The following TANC2 variants were observed in gnomAD, a reference collection of about 807,000 sequenced individuals.
The protein encoded by TANC2 is tetratricopeptide repeat, ankyrin repeat and coiled-coil containing 2.
TANC2 carries 26 observed loss-of-function variants against 210.5 expected under a neutral mutation model. That is an observed-to-expected ratio of 0.12 (90% CI 0.09 to 0.17). TANC2 has a LOEUF of 0.17. Among genes scored for constraint, TANC2 ranks in the 10% least tolerant of loss-of-function variants. The probability of loss-of-function intolerance (pLI) is 1.00; values close to 1 mark genes in which losing one functional copy is unlikely to be tolerated. For missense variants in TANC2, 2,129 were observed against 2,608.9 expected, an observed-to-expected ratio of 0.82 and a Z score of 4.01; for synonymous variants, 931 against 967.1, an observed-to-expected ratio of 0.96 and a Z score of 0.69.
intron 12 of TANC2, among the ~76,000 whole-genome samples, chr17:63,347,799 G>A (rs1355075228): frequency 2.0e-5 from 3 of 152,148 alleles, no homozygotes; most frequent in Admixed American, 2.0e-4. Flanking sequence ...TGTTGGGACA[G>A]GGTCTCACTT....
intron 3 of TANC2, among the ~76,000 whole-genome samples, chr17:63,076,693 C>T (rs2144679098): frequency 6.6e-6 from 1 of 152,028 alleles, no homozygotes; most frequent in African/African-American, 2.4e-5. Context: ...CTATTATCCC[C>T]AGAAATAAGA....
At chr17:62,975,943 A>G (rs915075204) in intron 1 of TANC2, among the ~76,000 whole-genome samples, 12 of 151,902 alleles carry the variant, frequency 7.9e-5, no homozygotes, top group Non-Finnish European at 1.8e-4. Context: ...TGGCATTGTC[A>G]CTCCAGCTTT....
At chr17:63,159,782 A>G (rs2039962381) in intron 5 of TANC2, among the ~76,000 whole-genome samples, 1 of 152,162 alleles carries the variant, frequency 6.6e-6, no homozygotes. Flanking sequence ...AGATTTTGGT[A>G]TGGGATTGGG....
chr17:62,979,827 C>T, intron 1 of TANC2, among the ~76,000 whole-genome samples: 1 of 152,202 alleles, frequency 6.6e-6, no homozygotes, highest in African/African-American at 2.4e-5. Context: ...AGGAGGATAG[C>T]TTGAGCCTGG....
Position 63,194,023 on chromosome 17 carries a change from T to G in TANC2, c.466T>G (p.Ser156Ala). ...TGAACAGGAGCTTGGCCCCCCTCCATCTGTAGATGAGGCAGCAAACACACT... is the reference window on the plus strand; with the variant it reads ...TGAACAGGAGCTTGGCCCCCCTCCAGCTGTAGATGAGGCAGCAAACACACT... The change falls in exon 6 of 28, where the codon TCT becomes GCT. Residue 156 changes from serine (S) to alanine (A), a missense_variant. By Grantham distance (99) the Ser-to-Ala change is moderately conservative. Coordinates refer to ENST00000689528, the Ensembl canonical transcript of TANC2. 2 of 1,613,186 alleles carry G rather than the reference T, an allele frequency of 1.2e-6. No individual in the cohort carries two copies. Among genetic ancestry groups the G allele is most frequent in the Non-Finnish European group, 1.7e-6 (2 of 1,179,584 alleles).
At chr17:63,053,783 G>T (rs1223427913) in intron 2 of TANC2, among the ~76,000 whole-genome samples, 1 of 152,178 alleles carries the variant, frequency 6.6e-6, no homozygotes. Flanking sequence ...TAAGTTGCAA[G>T]TCCATTTTTT....
intron 4 of TANC2, chr17:63,150,214 T>C (rs1420032621): frequency 2.0e-5 from 3 of 152,184 alleles, no homozygotes; most frequent in African/African-American, 7.2e-5. Context: ...GACACATGTC[T>C]TGGCCACCTA....
chr17:63,234,813 A>T (rs2042576293), intron 7 of TANC2, among the ~76,000 whole-genome samples: 1 of 152,154 alleles, frequency 6.6e-6, no homozygotes, highest in South Asian at 2.1e-4. Context: ...CTTGTTAGCT[A>T]TATAAGTGGG....
intron 7 of TANC2, among the ~76,000 whole-genome samples, chr17:63,227,951 C>T (rs1186783879): frequency 1.3e-5 from 2 of 152,142 alleles, no homozygotes; most frequent in Non-Finnish European, 2.9e-5. Flanking sequence ...GCAACCTCCG[C>T]CTCCTGGATT....
chr17:63,092,820 G>T (rs1477517746), intron 3 of TANC2, among the ~76,000 whole-genome samples: 2 of 152,088 alleles, frequency 1.3e-5, no homozygotes, highest in Non-Finnish European at 2.9e-5. Flanking sequence ...TTCAGTATTG[G>T]TGATTACAGT....
chr17:63,075,151 T>C (rs2036526932), intron 3 of TANC2, among the ~76,000 whole-genome samples: 1 of 152,208 alleles, frequency 6.6e-6, no homozygotes, highest in African/African-American at 2.4e-5. Flanking sequence ...TTATTTTCCC[T>C]GTAAACATAT....
At chr17:63,238,743 G>C in intron 8 of TANC2, among the ~76,000 whole-genome samples, 1 of 152,204 alleles carries the variant, frequency 6.6e-6, no homozygotes, top group Middle Eastern at 3.4e-3. Context: ...GGTTTAATTG[G>C]CTCACAGTTC....
At chr17:63,227,987 C>T (rs1333045230) in intron 7 of TANC2, among the ~76,000 whole-genome samples, 1 of 152,172 alleles carries the variant, frequency 6.6e-6, no homozygotes. Context: ...CCTCAGCCTT[C>T]CAGGTAGCTG....
At chr17:63,163,747 G>A (rs949969034) in intron 5 of TANC2, among the ~76,000 whole-genome samples, 5 of 152,186 alleles carry the variant, frequency 3.3e-5, no homozygotes, top group Middle Eastern at 3.2e-3. Flanking sequence ...CATAGACCTC[G>A]TAGTTTAGCG....
At chr17:63,047,477 A>C (rs2144339362) in intron 2 of TANC2, among the ~76,000 whole-genome samples, 1 of 152,226 alleles carries the variant, frequency 6.6e-6, no homozygotes, top group Admixed American at 6.5e-5. Flanking sequence ...AGGAGAGAAA[A>C]TCAGTAATAT....
chr17:63,241,137 T>A (rs575344197), intron 8 of TANC2, among the ~76,000 whole-genome samples: 2 of 152,320 alleles, frequency 1.3e-5, no homozygotes, highest in East Asian at 3.9e-4. Flanking sequence ...TAGGAGAGAT[T>A]ACCCAGAAAA....
intron 8 of TANC2, 113 bp downstream of exon 8, chr17:63,238,190 T>C (rs1567842806): frequency 3.8e-6 from 5 of 1,305,300 alleles, no homozygotes; most frequent in Non-Finnish European, 5.1e-6. Context: ...TTTCCATTCA[T>C]CTTTTCTGAC....
intron 5 of TANC2, chr17:63,153,169 A>G (rs2039715283): frequency 6.6e-6 from 1 of 152,300 alleles, no homozygotes; most frequent in African/African-American, 2.4e-5. Context: ...AATTAACAAT[A>G]ACCAAATGAA....
chr17:63,080,157 C>T (rs893599552), intron 3 of TANC2, among the ~76,000 whole-genome samples: 6 of 152,060 alleles, frequency 3.9e-5, no homozygotes, highest in Non-Finnish European at 7.4e-5. Flanking sequence ...GTGCTAGTGC[C>T]TTGTATTTAG....
Sources: allele counts gnomAD v4.1 joint callset (sites outside exome capture counted in the v4.1 genomes callset), GRCh38; gene constraint gnomAD v4.1.1; transcripts MANE v1.5; gene names NCBI Gene and HGNC (gene_info 2026-07-23, HGNC 2026-07-21).